The following PRELID2 variants were observed in gnomAD, a reference collection of about 807,000 sequenced individuals.
PRELID2 encodes PRELI domain-containing protein 2.
A neutral mutation model predicts 28.4 loss-of-function variants in PRELID2; 25 were observed. The ratio of observed to expected loss-of-function variants is 0.88; its 90% CI spans 0.64 to 1.23. The LOEUF (loss-of-function observed/expected upper bound fraction) is 1.23, where lower values mean the gene tolerates loss of function less well. Among genes scored for constraint, PRELID2 ranks in the 50% most tolerant of loss-of-function variants. The pLI is 0.00. For synonymous variants in PRELID2, 76 were observed against 71.6 expected (o/e 1.06, Z -0.31); for missense variants, 201 against 214.4 (o/e 0.94, Z 0.39).
chr5:145,792,819 A>G (rs1381432997), intron 5 of PRELID2, among the ~76,000 whole-genome samples: 1 of 152,220 alleles, frequency 6.6e-6, no homozygotes, highest in East Asian at 1.9e-4. Context: ...CATATTTTGT[A>G]TATTTGACCT....
intron 1 of PRELID2, among the ~76,000 whole-genome samples, chr5:145,500,538 T>C (rs1469902871): frequency 6.6e-6 from 1 of 152,152 alleles, no homozygotes; most frequent in African/African-American, 2.4e-5. Flanking sequence ...AAGAAAGGGC[T>C]TTCTCCAGAA....
At chr5:145,495,695 G>T (rs972297572) in intron 1 of PRELID2, among the ~76,000 whole-genome samples, 2 of 152,174 alleles carry the variant, frequency 1.3e-5, no homozygotes, top group African/African-American at 4.8e-5. Flanking sequence ...TATAACTGTT[G>T]TGAAGATTAT....
chr5:145,245,594 C>T, the PRELID2 span, among the ~76,000 whole-genome samples: 1 of 152,032 alleles, frequency 6.6e-6, no homozygotes, highest in Non-Finnish European at 1.5e-5. Context: ...GAATGAATGA[C>T]AAGGTCAGGG....
chr5:145,286,605 A>AAAATACCTC, the PRELID2 span, among the ~76,000 whole-genome samples: 1 of 152,146 alleles, frequency 6.6e-6, no homozygotes, highest in African/African-American at 2.4e-5. Context: ...ACTCTTTTTC[A>AAAATACCTC]TCAGTAAATC....
At chr5:145,590,290 C>A (rs1018755669) in intron 1 of PRELID2, among the ~76,000 whole-genome samples, 3 of 152,176 alleles carry the variant, frequency 2.0e-5, no homozygotes, top group African/African-American at 7.2e-5. Context: ...GAGGTCTTTT[C>A]TGATCACCCA....
chr5:145,489,081 A>C (rs1291852351), intron 1 of PRELID2, among the ~76,000 whole-genome samples: 1 of 152,196 alleles, frequency 6.6e-6, no homozygotes, highest in Admixed American at 6.5e-5. Context: ...ATTCAGCTAC[A>C]GTACCCTATC....
chr5:145,329,225 G>C, the PRELID2 span, among the ~76,000 whole-genome samples: 1 of 152,002 alleles, frequency 6.6e-6, no homozygotes, highest in Non-Finnish European at 1.5e-5. Flanking sequence ...CTCCAGCTTT[G>C]TTCTTTCTTT....
At chr5:145,741,699 AAATAATTT>A (rs1187078715) in intron 1 of PRELID2, among the ~76,000 whole-genome samples, 14 of 8,814 alleles carry the variant, frequency 1.6e-3, no homozygotes, top group African/African-American at 4.7e-3. Context: ...ATTTATATAT[AAATAATTT>A]ATTTATATAT....
chr5:145,742,335 T>TTC (rs1554088338), intron 1 of PRELID2, among the ~76,000 whole-genome samples: 2 of 144,012 alleles, frequency 1.4e-5, no homozygotes, highest in Non-Finnish European at 3.0e-5. Context: ...TATATTTTTT[T>TTC]TTTCTGGCTA....
chr5:145,552,161 C>A (rs1752841304), intron 1 of PRELID2, among the ~76,000 whole-genome samples: 1 of 152,124 alleles, frequency 6.6e-6, no homozygotes, highest in Non-Finnish European at 1.5e-5. Flanking sequence ...TCTTGGGAGG[C>A]AAGACAACAG....
At chr5:145,437,709 T>C in the PRELID2 span, among the ~76,000 whole-genome samples, 79 of 152,256 alleles carry the variant, frequency 5.2e-4, no homozygotes, top group African/African-American at 1.8e-3. Context: ...TCTGGAGTTT[T>C]GCACGGAGGC....
At chr5:145,422,434 A>G in the PRELID2 span, among the ~76,000 whole-genome samples, 33 of 152,282 alleles carry the variant, frequency 2.2e-4, 1 homozygote, top group East Asian at 5.6e-3. Context: ...GGGTGCATAT[A>G]TTTTTAGGAT....
intron 1 of PRELID2, among the ~76,000 whole-genome samples, chr5:145,619,732 G>T (rs906150259): frequency 1.3e-5 from 2 of 152,180 alleles, no homozygotes; most frequent in Non-Finnish European, 2.9e-5. Context: ...CCACCATGAT[G>T]CCTCCTCAAC....
the PRELID2 span, among the ~76,000 whole-genome samples, chr5:145,281,023 C>T: frequency 6.6e-6 from 1 of 152,100 alleles, no homozygotes; most frequent in Admixed American, 6.6e-5. Context: ...TCAGAATTCT[C>T]ACTCTATCTC....
intron 1 of PRELID2, among the ~76,000 whole-genome samples, chr5:145,668,990 C>G (rs1227963328): frequency 1.3e-5 from 2 of 152,068 alleles, no homozygotes; most frequent in Non-Finnish European, 2.9e-5. Flanking sequence ...TATCTAGAGT[C>G]ACTTCCTGTG....
chr5:145,611,998 A>AT (rs1753623735), intron 1 of PRELID2, among the ~76,000 whole-genome samples: 2 of 152,210 alleles, frequency 1.3e-5, no homozygotes, highest in Admixed American at 1.3e-4. Flanking sequence ...CCATGAACAA[A>AT]TAACACTTTG....
At chr5:145,746,815 G>T (rs112503106) in intron 1 of PRELID2, among the ~76,000 whole-genome samples, 1 of 152,220 alleles carries the variant, frequency 6.6e-6, no homozygotes, top group Non-Finnish European at 1.5e-5. Flanking sequence ...CAAAAGAATG[G>T]AAATCATAAC....
At chr5:145,481,842 G>A (rs1250505923) in intron 1 of PRELID2, among the ~76,000 whole-genome samples, 5 of 152,082 alleles carry the variant, frequency 3.3e-5, no homozygotes, top group Admixed American at 1.3e-4. Flanking sequence ...CAGTATTTTA[G>A]AAATTAAATT....
the PRELID2 span, among the ~76,000 whole-genome samples, chr5:145,414,163 G>A: frequency 6.6e-6 from 1 of 152,076 alleles, no homozygotes; most frequent in Non-Finnish European, 1.5e-5. Flanking sequence ...CTCCCTAGTT[G>A]GTCAAGCAAC....
Sources: gnomAD v4.1 joint callset for allele counts (sites outside exome capture counted in the v4.1 genomes callset) on GRCh38, gnomAD v4.1.1 for gene constraint, MANE v1.5 for transcripts, NCBI Gene and HGNC (gene_info 2026-07-23, HGNC 2026-07-21) for gene names.